CBR4: variants seen among roughly 807,000 people sequenced by gnomAD.
CBR4 encodes 3-oxoacyl-[acyl-carrier-protein] reductase.
A neutral mutation model predicts 21.0 loss-of-function variants in CBR4; 22 were observed. The ratio of observed to expected loss-of-function variants is 1.05; its 90% CI spans 0.75 to 1.50. CBR4 has a LOEUF of 1.50. Among genes scored for constraint, CBR4 ranks in the 40% most tolerant of loss-of-function variants. CBR4 has a pLI of 0.00. For synonymous variants in CBR4, 100 were observed against 104.4 expected (o/e 0.96, Z 0.26); for missense variants, 302 against 286.3 (o/e 1.05, Z -0.40).
chr4:168,990,319 T>G lies in CBR4; in HGVS notation c.545A>C (p.His182Pro). 1 of 1,603,390 alleles carries G rather than the reference T, an allele frequency of 6.2e-7. No individual in the cohort carries two copies. Among genetic ancestry groups the G allele is most frequent in the Non-Finnish European group, 8.5e-7 (1 of 1,174,412 alleles). Residue 182 changes from histidine to proline, a missense_variant, in exon 5 of 5, where the codon CAC (histidine) becomes CCC (proline). Coordinates refer to ENST00000306193, the MANE Select transcript of CBR4 (RefSeq NM_032783.5). The part of the protein sequence containing the change: ...RVNVVAPGFV[H>P]TDMTKDLKEE... ...TTTCAAGTCTTTCGTCATATCTGTG[T>G]GTACAAATCCTAAAAGAGAAATGTT...
intron 2 of CBR4, among the ~76,000 whole-genome samples, chr4:168,933,486 C>G (rs1763022398): frequency 6.6e-6 from 1 of 152,040 alleles, no homozygotes; most frequent in African/African-American, 2.4e-5. Flanking sequence ...ATATATGCAC[C>G]CAACACTGAA....
chr4:169,001,872 C>T, intron 4 of CBR4, 199 bp downstream of exon 4: 1 of 372,410 alleles, frequency 2.7e-6, no homozygotes, highest in Non-Finnish European at 4.8e-6. Flanking sequence ...TAGAGCAATG[C>T]AAACAGGCTA....
At chr4:168,915,266 C>T (rs2151420382) in intron 2 of CBR4, among the ~76,000 whole-genome samples, 1 of 152,278 alleles carries the variant, frequency 6.6e-6, no homozygotes, top group South Asian at 2.1e-4. Context: ...TTTAAGTCTT[C>T]CCTGCGATTA....
In CBR4 at chr4:168,914,094, C is replaced by G. The variant is rs1759614995; in HGVS notation, n.170-19329G>C. ...ACTATAAATGTAGTACTATTAGAAT[C>G]ATCATATGACCACAAAAGTAAACAT... On this transcript the variant is annotated intron_variant and non_coding_transcript_variant, in intron 2 of 3. Transcript: ENST00000509108. 3.3e-6 allele frequency: 3 copies of G among 912,278 alleles called. No homozygotes were observed. The Admixed American group carries it at 5.5e-5, about 17-fold the overall frequency. 56.5% of individuals were successfully genotyped at this position (912,278 alleles called of 1,614,324 possible).
At chr4:168,932,233 CA>C (rs1762989529) in intron 2 of CBR4, among the ~76,000 whole-genome samples, 2 of 148,574 alleles carry the variant, frequency 1.3e-5, no homozygotes, top group South Asian at 4.2e-4. Flanking sequence ...AGAAATTCAA[CA>C]AAGAACATAA....
chr4:168,926,779 C>CACAA (rs1168037246), intron 2 of CBR4: 18 of 242,942 alleles, frequency 7.4e-5, no homozygotes, highest in East Asian at 4.3e-4. Context: ...GGAGTTGTAC[C>CACAA]ACAAACAGTA....
Position 168,988,634 on chromosome 4 carries a change from G to A in CBR4, c.*1516C>T. On this transcript the variant is annotated 3_prime_UTR_variant, in exon 5 of 5. Transcript: ENST00000306193. ...CATTTCCTATATGTGCCTAGACTTG[G>A]TAATGCCTGATAAATTCTGTATATT... The A allele has an allele frequency of 1.0e-6, 1 of 985,270 alleles. No homozygotes were observed. Among genetic ancestry groups the A allele is most frequent in the Non-Finnish European group, 1.2e-6 (1 of 829,822 alleles). 61.0% of individuals were successfully genotyped at this position (985,270 alleles called of 1,614,324 possible). A position where few individuals can be genotyped will look rare whatever the true frequency, so the allele number is the denominator to read the frequency against.
At chr4:168,980,842 C>T (rs576783663) in intron 2 of CBR4, among the ~76,000 whole-genome samples, 3 of 152,316 alleles carry the variant, frequency 2.0e-5, no homozygotes, top group South Asian at 2.1e-4. Flanking sequence ...GGAACATTAG[C>T]GCCCACACAG....
At chr4:168,908,577 T>C (rs141338791) in intron 2 of CBR4, among the ~76,000 whole-genome samples, 541 of 152,270 alleles carry the variant, frequency 3.6e-3, no homozygotes, top group Non-Finnish European at 6.0e-3. Flanking sequence ...AAAACTGAAG[T>C]TGACTCCTTA....
At position 168,989,997 on chromosome 4, in the gene CBR4, C is replaced by T; in HGVS notation, c.*153G>A. 1.6e-6 allele frequency: 2 copies of T among 1,247,024 alleles called. No individual in the cohort carries two copies. Among genetic ancestry groups the T allele is most frequent in the Non-Finnish European group, 1.0e-6 (1 of 990,564 alleles). 77.2% of individuals were successfully genotyped at this position (1,247,024 alleles called of 1,614,324 possible). On this transcript the variant is annotated 3_prime_UTR_variant, in exon 5 of 5. Transcript: ENST00000306193. ...AAACCACAATTTGTCACACATTGTT[C>T]TTTTGAGACATATTTTTATAAAGAC... is the stretch of plus-strand genomic sequence containing the variant.
chr4:168,909,706 C>T (rs1394735173), intron 2 of CBR4, among the ~76,000 whole-genome samples: 1 of 152,176 alleles, frequency 6.6e-6, no homozygotes, highest in Non-Finnish European at 1.5e-5. Flanking sequence ...AGCCTACTAA[C>T]TATGATTACC....
chr4:169,008,458 G>A (rs1157938859), intron 1 of CBR4, among the ~76,000 whole-genome samples: 1 of 151,588 alleles, frequency 6.6e-6, no homozygotes, highest in Non-Finnish European at 1.5e-5. Context: ...TAAAATGTAG[G>A]ATTGTTTTTA....
intron 2 of CBR4, among the ~76,000 whole-genome samples, chr4:168,969,679 C>T (rs895043171): frequency 4.6e-5 from 7 of 152,050 alleles, no homozygotes; most frequent in African/African-American, 1.2e-4. Context: ...GACTGGCTGC[C>T]GGCTAACAGC....
chr4:168,981,484 T>A (rs1198613329), intron 2 of CBR4, among the ~76,000 whole-genome samples: 1 of 152,046 alleles, frequency 6.6e-6, no homozygotes, highest in Non-Finnish European at 1.5e-5. Context: ...TTCATAACAA[T>A]CAGAAGTATT....
intron 2 of CBR4, among the ~76,000 whole-genome samples, chr4:168,931,125 A>C (rs1762958790): frequency 6.6e-6 from 1 of 152,172 alleles, no homozygotes; most frequent in African/African-American, 2.4e-5. Context: ...CATTGCCTGA[A>C]CTTCCAGGCA....
intron 2 of CBR4, among the ~76,000 whole-genome samples, chr4:168,917,239 G>T (rs575052431): frequency 6.6e-6 from 1 of 151,210 alleles, no homozygotes; most frequent in Non-Finnish European, 1.5e-5. Flanking sequence ...TAGTACAGAC[G>T]GGGTTTCACC....
At chr4:168,905,369 C>T (rs1006307675) in intron 2 of CBR4, among the ~76,000 whole-genome samples, 1 of 151,360 alleles carries the variant, frequency 6.6e-6, no homozygotes, top group Non-Finnish European at 1.5e-5. Context: ...AGGATGGTCT[C>T]GATCTCCTGA....
intron 4 of CBR4, among the ~76,000 whole-genome samples, chr4:168,995,537 C>G (rs1290839090): frequency 6.6e-6 from 1 of 152,078 alleles, no homozygotes; most frequent in Non-Finnish European, 1.5e-5. Context: ...GGGCTGACAT[C>G]CTTCTTTCTG....
intron 4 of CBR4, among the ~76,000 whole-genome samples, chr4:168,996,252 G>A (rs1231043684): frequency 6.6e-6 from 1 of 152,124 alleles, no homozygotes; most frequent in Non-Finnish European, 1.5e-5. Flanking sequence ...CTTTGATTAT[G>A]TTATTTTCTA....
Sources: gnomAD v4.1 joint callset for allele counts (sites outside exome capture counted in the v4.1 genomes callset) on GRCh38, gnomAD v4.1.1 for gene constraint, MANE v1.5 for transcripts, NCBI Gene and HGNC (gene_info 2026-07-23, HGNC 2026-07-21) for gene names.